The following AOPEP variants were observed in gnomAD, a reference collection of about 807,000 sequenced individuals.
AOPEP encodes the protein aminopeptidase O (putative).
Under a neutral mutation model 98.1 loss-of-function variants are expected in AOPEP, and 77 were observed. That is an observed-to-expected ratio of 0.78 (90% CI 0.65 to 0.95). The LOEUF (loss-of-function observed/expected upper bound fraction) is 0.95. Ranked by LOEUF, AOPEP falls within the 40% of genes least tolerant of loss-of-function variation. The pLI is 0.00. For missense variants in AOPEP, 1,024 were observed against 1,024.7 expected, an observed-to-expected ratio of 1.00 and a Z score of 0.01; for synonymous variants, 346 against 365.3, an observed-to-expected ratio of 0.95 and a Z score of 0.60.
chr9:95,023,128 C>T (rs2063588430), intron 13 of AOPEP, among the ~76,000 whole-genome samples: 1 of 152,128 alleles, frequency 6.6e-6, no homozygotes, highest in Non-Finnish European at 1.5e-5. Context: ...CAGAGCTGCC[C>T]CTGCATCATG....
intron 14 of AOPEP, among the ~76,000 whole-genome samples, chr9:95,070,057 G>A (rs777018016): frequency 6.6e-6 from 1 of 152,230 alleles, no homozygotes; most frequent in African/African-American, 2.4e-5. Context: ...AAACACAAAT[G>A]TGGACAGCCC....
intron 14 of AOPEP, among the ~76,000 whole-genome samples, chr9:95,064,593 C>A (rs1487701206): frequency 2.0e-5 from 3 of 152,222 alleles, no homozygotes; most frequent in African/African-American, 7.2e-5. Context: ...CTGGCCTCGT[C>A]TACCTCTTTT....
At chr9:95,102,641 G>A in the AOPEP span, among the ~76,000 whole-genome samples, 10 of 152,352 alleles carry the variant, frequency 6.6e-5, no homozygotes, top group South Asian at 1.9e-3. Flanking sequence ...TCCTCTGGAA[G>A]GGTTGGGCCG....
chr9:94,876,351 G>A (rs10217143), intron 5 of AOPEP, among the ~76,000 whole-genome samples: 68,053 of 151,302 alleles, frequency 0.45, 15,628 homozygotes, highest in East Asian at 0.63. Context: ...CACATCAGTT[G>A]CTTTTTCTTT....
chr9:94,907,346 A>G (rs895588884), intron 5 of AOPEP, among the ~76,000 whole-genome samples: 3 of 152,060 alleles, frequency 2.0e-5, no homozygotes, highest in Non-Finnish European at 4.4e-5. Context: ...AAAGGAGAAA[A>G]CTGAAGAACT....
intron 5 of AOPEP, among the ~76,000 whole-genome samples, chr9:94,853,324 G>T (rs990866827): frequency 6.6e-6 from 1 of 152,098 alleles, no homozygotes; most frequent in Non-Finnish European, 1.5e-5. Context: ...GCCGGGTGTG[G>T]TGGTGTGTGC....
At chr9:95,122,896 C>T in the AOPEP span, among the ~76,000 whole-genome samples, 1 of 152,178 alleles carries the variant, frequency 6.6e-6, no homozygotes, top group South Asian at 2.1e-4. Flanking sequence ...GCCAGCTGTG[C>T]CTTCCAGCCG....
chr9:95,110,279 A>G, the AOPEP span: 5 of 1,011,824 alleles, frequency 4.9e-6, no homozygotes, highest in Admixed American at 1.8e-4. Flanking sequence ...ATTCTCTGTC[A>G]GTAACCTTTT....
the AOPEP span, among the ~76,000 whole-genome samples, chr9:95,102,319 C>G: frequency 6.6e-6 from 1 of 152,216 alleles, no homozygotes; most frequent in Non-Finnish European, 1.5e-5. Context: ...GGCTAGCAAC[C>G]GGACCTACTT....
intron 5 of AOPEP, among the ~76,000 whole-genome samples, chr9:94,876,654 T>G (rs2046983076): frequency 1.3e-5 from 2 of 152,202 alleles, no homozygotes; most frequent in Non-Finnish European, 2.9e-5. Context: ...CGTGAACCAC[T>G]GCACCTAGCC....
chr9:95,042,104 A>G (rs559541934), intron 13 of AOPEP, among the ~76,000 whole-genome samples: 2 of 152,148 alleles, frequency 1.3e-5, no homozygotes, highest in African/African-American at 4.8e-5. Flanking sequence ...CGAGGTCAGG[A>G]GATCAAGACC....
chr9:94,800,865 G>C lies in AOPEP; in HGVS notation c.1227G>C (p.Thr409=), dbSNP rs563351486. 6.2e-7 allele frequency: 1 copy of C among 1,614,110 alleles called. No individual in the cohort carries two copies. Among genetic ancestry groups the C allele is most frequent in the Non-Finnish European group, 8.5e-7 (1 of 1,180,028 alleles). ...GGGTCTTTGCCCCTGTGTGCCTCACGGGTGCCTGCCAAGAGACCCTTCTGC... is the reference window on the plus strand; with the variant it reads ...GGGTCTTTGCCCCTGTGTGCCTCACCGGTGCCTGCCAAGAGACCCTTCTGC... ...PHRVFAPVCL[T]GACQETLLRL... is the part of the protein sequence containing the mutation. The change falls in exon 5 of 17, where the codon ACG becomes ACC. Residue 409 remains threonine, a synonymous_variant. Coordinates refer to ENST00000375315, the MANE Select transcript of AOPEP (RefSeq NM_001193329.3).
intron 5 of AOPEP, among the ~76,000 whole-genome samples, chr9:94,854,808 G>C (rs1321079052): frequency 6.6e-6 from 1 of 152,150 alleles, no homozygotes; most frequent in Non-Finnish European, 1.5e-5. Context: ...TAATTTGTAG[G>C]ACTATGTTGG....
intron 14 of AOPEP, among the ~76,000 whole-genome samples, chr9:95,067,048 A>G (rs1454975350): frequency 6.6e-6 from 1 of 152,128 alleles, no homozygotes; most frequent in East Asian, 2.0e-4. Context: ...CCTGAAATAC[A>G]GGGCTCACTC....
chr9:94,904,594 T>A (rs1004122398), intron 5 of AOPEP: 2 of 152,194 alleles, frequency 1.3e-5, no homozygotes, highest in Non-Finnish European at 2.9e-5. Flanking sequence ...CTTTAAGAAT[T>A]TTGTTTTGCT....
rs146376377 is a variant in AOPEP at position 94,955,987 on chromosome 9, C to T, written c.1844C>T (p.Thr615Ile). The T allele has an allele frequency of 4.4e-5, 71 of 1,612,780 alleles. 1 individual carries two copies. In the Middle Eastern group the frequency reaches 6.6e-4, roughly 15 times the overall value. ...TCATTTTTAAGAAAATTTGTGCACA[C>T]ATTTCATGGACAGCTGATTCTTTCC... Reference protein sequence around the residue: ...YFSFLRKFVHTFHGQLILSQD... With the variant: ...YFSFLRKFVHIFHGQLILSQD... Residue 615 changes from threonine to isoleucine, a missense_variant, in exon 9 of 17, where the codon ACA becomes ATA. By Grantham distance (89) the Thr-to-Ile change is moderately conservative (BLOSUM62 -1). Coordinates refer to ENST00000375315, the MANE Select transcript of AOPEP (RefSeq NM_001193329.3).
intron 2 of AOPEP, among the ~76,000 whole-genome samples, chr9:94,761,421 G>T (rs1224121406): frequency 2.0e-5 from 3 of 151,980 alleles, no homozygotes; most frequent in Non-Finnish European, 4.4e-5. Context: ...TTACCTATTT[G>T]TGCTAAAGTA....
chr9:95,070,043 AT>A (rs2134055863), intron 14 of AOPEP, among the ~76,000 whole-genome samples: 1 of 152,380 alleles, frequency 6.6e-6, no homozygotes, highest in East Asian at 1.9e-4. Flanking sequence ...AAAGAAAAGA[AT>A]GAAAACACAA....
intron 5 of AOPEP, among the ~76,000 whole-genome samples, chr9:94,873,453 A>G (rs2046576494): frequency 6.6e-6 from 1 of 152,230 alleles, no homozygotes; most frequent in Admixed American, 6.5e-5. Flanking sequence ...AGCACCTGAC[A>G]TCTTTGGAGC....
Sources: gnomAD v4.1 joint callset for allele counts (sites outside exome capture counted in the v4.1 genomes callset) on GRCh38, gnomAD v4.1.1 for gene constraint, MANE v1.5 for transcripts, NCBI Gene and HGNC (gene_info 2026-07-23, HGNC 2026-07-21) for gene names.